The following CCDC50 variants were observed in gnomAD, a reference collection of about 807,000 sequenced individuals.
CCDC50 encodes the protein coiled-coil domain-containing protein 50.
In CCDC50, 54 loss-of-function variants were observed where a neutral mutation model predicts 70.2. The observed-to-expected ratio is 0.77, with a 90% confidence interval of 0.62 to 0.96. CCDC50 has a LOEUF of 0.96. Ranked by LOEUF, CCDC50 falls within the 50% of genes least tolerant of loss-of-function variation. CCDC50 has a pLI of 0.00. For synonymous variants in CCDC50, 216 were observed against 198.8 expected, an observed-to-expected ratio of 1.09 and a Z score of -0.73; for missense variants, 558 against 578.7, an observed-to-expected ratio of 0.96 and a Z score of 0.37.
intron 5 of CCDC50, among the ~76,000 whole-genome samples, chr3:191,373,179 T>G (rs1712974012): frequency 6.6e-6 from 1 of 152,040 alleles, no homozygotes; most frequent in African/African-American, 2.4e-5. Context: ...GCCAAATAAC[T>G]TGGTCTCAAG....
intron 5 of CCDC50, 101 bp downstream of exon 5, chr3:191,370,137 T>A (rs1712849621): frequency 2.5e-6 from 2 of 802,926 alleles, no homozygotes; most frequent in African/African-American, 3.4e-5. Context: ...TGGGACTGTT[T>A]CTCTTATCCC....
Position 191,369,904 on chromosome 3 carries a change from C to T in CCDC50, c.331-15C>T, listed in dbSNP as rs1201612970. On this transcript the variant is annotated splice_polypyrimidine_tract_variant and intron_variant, in intron 4 of 11. Coordinates refer to ENST00000392455, the MANE Select transcript of CCDC50 (RefSeq NM_178335.3). ...TTTGGTAATGTGTATTTCCATTCTC[C>T]TCTTGTCTTTGCAGGACATAGCTCG... The T allele has an allele frequency of 6.4e-7, 1 of 1,572,624 alleles. No individual in the cohort carries two copies. The highest frequency in any genetic ancestry group is 1.4e-5 in the African/African-American group (1 of 74,052).
intron 1 of CCDC50, among the ~76,000 whole-genome samples, chr3:191,344,278 G>A (rs192261905): frequency 2.2e-4 from 34 of 152,264 alleles, no homozygotes; most frequent in African/African-American, 7.0e-4. Flanking sequence ...TGTGATTATC[G>A]TCTAGAGCAG....
Position 191,391,832 on chromosome 3 carries a change from C to T in CCDC50, c.*72C>T. 7.3e-7 allele frequency: 1 copy of T among 1,378,336 alleles called. No homozygotes were observed. The highest frequency in any genetic ancestry group is 1.8e-5 in the Admixed American group (1 of 56,448). 85.4% of individuals were successfully genotyped at this position (1,378,336 alleles called of 1,614,324 possible). ...ACTGGGTGATACAGAATGAATTCTA[C>T]ACTTACTTTTTTTCTCCTGTGTTTG... On this transcript the variant is annotated 3_prime_UTR_variant, in exon 12 of 12. Coordinates refer to ENST00000392455, the MANE Select transcript of CCDC50 (RefSeq NM_178335.3).
chr3:191,345,973 G>T (rs1711907580), intron 1 of CCDC50, among the ~76,000 whole-genome samples: 1 of 152,104 alleles, frequency 6.6e-6, no homozygotes, highest in Admixed American at 6.5e-5. Flanking sequence ...GAATTTACTT[G>T]TACAGTTGAT....
At position 191,396,776 on chromosome 3, in the gene CCDC50, A is replaced by G. The variant is rs2108682295; in HGVS notation, c.*5016A>G. 1 of 152,332 alleles carries G rather than the reference A, an allele frequency of 6.6e-6. No individual in the cohort carries two copies. The highest frequency in any genetic ancestry group is 1.5e-5 in the Non-Finnish European group (1 of 68,016). 9.4% of individuals were successfully genotyped at this position (152,332 alleles called of 1,614,324 possible). A position where few individuals can be genotyped will look rare whatever the true frequency, so the allele number is the denominator to read the frequency against. ...AAGCAGGAAAACTTTTGCTTTGATA[A>G]GAAAGACACCAGAGTGGTGATTCTG... is the stretch of plus-strand genomic sequence containing the variant. On this transcript the variant is annotated 3_prime_UTR_variant, in exon 12 of 12. Coordinates refer to ENST00000392455, the MANE Select transcript of CCDC50 (RefSeq NM_178335.3).
chr3:191,375,045 C>T lies in CCDC50; in HGVS notation c.449-17C>T, dbSNP rs1334030460. On this transcript the variant is annotated splice_polypyrimidine_tract_variant and intron_variant, in intron 5 of 11. Transcript: ENST00000392455. ...AATCTGCATTTTTATTTTTCACATC[C>T]CTCTGCCTCCACTCAGACCAACCAG... The T allele has an allele frequency of 1.2e-6, 2 of 1,612,534 alleles. No homozygotes were observed. The highest frequency in any genetic ancestry group is 3.3e-5 in the Admixed American group (2 of 59,944).
At position 191,375,267 on chromosome 3, in the gene CCDC50, T is replaced by TAA. The variant is rs752941910; in HGVS notation, c.655_656dup (p.Asn219LysfsTer30). ...GCAAAGGGAGGGACAATCCCCATAT[T>TAA]AACAATGAGCAGCATGAAAGGAAAC... On this transcript the variant is annotated frameshift_variant, in exon 6 of 12. Coordinates refer to ENST00000392455, the MANE Select transcript of CCDC50 (RefSeq NM_178335.3). LOFTEE classifies it high-confidence loss of function. 20 of 1,613,522 alleles carry TAA rather than the reference T, an allele frequency of 1.2e-5. No individual in the cohort carries two copies. The East Asian group carries it at 4.2e-4, about 34-fold the overall frequency.
At chr3:191,391,009 C>T (rs1713676771) in intron 11 of CCDC50, among the ~76,000 whole-genome samples, 1 of 152,208 alleles carries the variant, frequency 6.6e-6, no homozygotes, top group African/African-American at 2.4e-5. Flanking sequence ...TTAACTTCCT[C>T]ATCTGCAAAA....
intron 5 of CCDC50, 104 bp downstream of exon 5, chr3:191,370,140 C>T (rs898938223): frequency 2.5e-6 from 2 of 792,998 alleles, no homozygotes; most frequent in Non-Finnish European, 4.5e-6. Flanking sequence ...GACTGTTTCT[C>T]TTATCCCCAG....
At chr3:191,368,258 A>G (rs1257753892) in intron 4 of CCDC50, among the ~76,000 whole-genome samples, 1 of 151,904 alleles carries the variant, frequency 6.6e-6, no homozygotes, top group Admixed American at 6.6e-5. Flanking sequence ...AGTTCTATTC[A>G]TGAAAAGTAT....
chr3:191,382,669 AT>A, intron 9 of CCDC50, 76 bp from the exon 10 acceptor site: 1 of 935,158 alleles, frequency 1.1e-6, no homozygotes, highest in Admixed American at 1.7e-5. Flanking sequence ...GTTAAACTTA[AT>A]CTTTCCCTTT....
chr3:191,374,484 G>A (rs1160778027), intron 5 of CCDC50, among the ~76,000 whole-genome samples: 1 of 152,056 alleles, frequency 6.6e-6, no homozygotes, highest in Non-Finnish European at 1.5e-5. Context: ...CTGTAATAGA[G>A]GGCTAATTTC....
chr3:191,356,833 A>G (rs1712300408), intron 1 of CCDC50, among the ~76,000 whole-genome samples: 1 of 152,050 alleles, frequency 6.6e-6, no homozygotes, highest in South Asian at 2.1e-4. Context: ...AAATGTTCTC[A>G]CCTCAGGCCA....
chr3:191,389,631 G>A (rs548244403), intron 11 of CCDC50, 29 bp downstream of exon 11: 2 of 1,528,128 alleles, frequency 1.3e-6, no homozygotes, highest in South Asian at 2.2e-5. Flanking sequence ...GTCAAGTTTA[G>A]GATCTTCTTT....
intron 1 of CCDC50, chr3:191,330,444 G>C (rs1717941379): frequency 6.6e-6 from 1 of 152,254 alleles, no homozygotes; most frequent in South Asian, 2.1e-4. Context: ...GTAGCCTTTT[G>C]ACTTCCCTTC....
At chr3:191,389,309 C>G (rs944449651) in intron 10 of CCDC50, among the ~76,000 whole-genome samples, 187 bp from the exon 11 acceptor site, 2 of 152,116 alleles carry the variant, frequency 1.3e-5, no homozygotes, top group Admixed American at 1.3e-4. Context: ...GACATCAAAA[C>G]AAAGGAACGG....
chr3:191,389,853 C>CTTTT (rs10635756), intron 11 of CCDC50, among the ~76,000 whole-genome samples: 1,140 of 84,618 alleles, frequency 0.013, 30 homozygotes, highest in Non-Finnish European at 0.016. Flanking sequence ...ATCAAATTCA[C>CTTTT]TTTTTTTTTT....
At chr3:191,344,804 C>T (rs1211630541) in intron 1 of CCDC50, among the ~76,000 whole-genome samples, 1 of 152,286 alleles carries the variant, frequency 6.6e-6, no homozygotes, top group Admixed American at 6.5e-5. Context: ...GTCTCGAACT[C>T]GGGAGCTCAG....
Sources: allele counts gnomAD v4.1 joint callset (sites outside exome capture counted in the v4.1 genomes callset), GRCh38; gene constraint gnomAD v4.1.1; transcripts MANE v1.5; gene names NCBI Gene and HGNC (gene_info 2026-07-23, HGNC 2026-07-21).